The following SLC12A2 variants were observed in gnomAD, a reference collection of about 807,000 sequenced individuals.
The protein encoded by SLC12A2 is solute carrier family 12 member 2, also known as Na-K-2Cl cotransporter 1.
Under a neutral mutation model 136.3 loss-of-function variants are expected in SLC12A2, and 67 were observed. The ratio of observed to expected loss-of-function variants is 0.49; its 90% CI spans 0.40 to 0.60. The LOEUF is 0.60. Ranked by LOEUF, SLC12A2 falls within the 20% of genes least tolerant of loss-of-function variation. The pLI is 0.00. For synonymous variants in SLC12A2, 619 were observed against 562.9 expected, an observed-to-expected ratio of 1.10 and a Z score of -1.41; for missense variants, 1,322 against 1,534.7, an observed-to-expected ratio of 0.86 and a Z score of 2.32.
At chr5:128,133,680 G>A (rs1762097988) in intron 5 of SLC12A2, among the ~76,000 whole-genome samples, 1 of 151,978 alleles carries the variant, frequency 6.6e-6, no homozygotes, top group Non-Finnish European at 1.5e-5. Flanking sequence ...TTTTAAAAAT[G>A]CCATTGATAT....
rs1182123988 is a variant in SLC12A2, at chr5:128,158,036, T to A, written c.2364-17T>A. 6.3e-7 allele frequency: 1 copy of A among 1,589,498 alleles called. No homozygotes were observed. Among genetic ancestry groups the A allele is most frequent in the South Asian group, 1.2e-5 (1 of 86,456 alleles). On this transcript the variant is annotated splice_polypyrimidine_tract_variant and intron_variant, in intron 15 of 26. Transcript: ENST00000262461. Reference sequence around the variant, plus strand: ...ACAAATTTATCTAATTTTGTTTGTCTTTTCATCTTAAATTAGGCCACAGTG... The same window carrying A: ...ACAAATTTATCTAATTTTGTTTGTCATTTCATCTTAAATTAGGCCACAGTG...
chr5:128,161,660 G>T lies in SLC12A2; in HGVS notation c.2476G>T (p.Gly826Cys), dbSNP rs145906084. 7.2e-7 allele frequency: 1 copy of T among 1,380,090 alleles called. No individual in the cohort carries two copies. Among genetic ancestry groups the T allele is most frequent in the African/African-American group, 1.5e-5 (1 of 65,990 alleles). 85.5% of individuals were successfully genotyped at this position (1,380,090 alleles called of 1,614,324 possible). ...ATATTATTAATATTTTTATTCAAAG[G>T]GTCCTCGAAGACAAGCCATGAAAGA... Reference protein sequence around the residue: ...GLMICGHVHMGPRRQAMKEMS... With the variant: ...GLMICGHVHMCPRRQAMKEMS... Residue 826 changes from glycine (G) to cysteine (C), a missense_variant and splice_region_variant, in exon 17 of 27, where the codon GGT (glycine) becomes TGT (cysteine). Gly to Cys is a radical substitution (Grantham distance 159). Coordinates refer to ENST00000262461, the MANE Select transcript of SLC12A2 (RefSeq NM_001046.3).
chr5:128,186,019 A>C (rs553489945), intron 26 of SLC12A2, among the ~76,000 whole-genome samples: 1 of 152,034 alleles, frequency 6.6e-6, no homozygotes, highest in Non-Finnish European at 1.5e-5. Context: ...TGGAGTTTTG[A>C]GTCCAGCCTG....
intron 7 of SLC12A2, among the ~76,000 whole-genome samples, chr5:128,137,344 G>A (rs757050823): frequency 6.6e-6 from 1 of 151,794 alleles, no homozygotes; most frequent in Non-Finnish European, 1.5e-5. Context: ...TCTCTTTTCT[G>A]GTATACTCTT....
intron 14 of SLC12A2, among the ~76,000 whole-genome samples, chr5:128,152,034 A>C (rs926930506): frequency 6.6e-6 from 1 of 152,174 alleles, no homozygotes; most frequent in African/African-American, 2.4e-5. Context: ...CCCGTGACAC[A>C]TGAAAGACCT....
intron 10 of SLC12A2, among the ~76,000 whole-genome samples, chr5:128,147,174 T>G (rs1762555719): frequency 6.6e-6 from 1 of 151,426 alleles, no homozygotes; most frequent in African/African-American, 2.4e-5. Flanking sequence ...TGACTTGCCT[T>G]TTTTGTGGTA....
At chr5:128,130,271 G>C (rs1761966738) in intron 4 of SLC12A2, among the ~76,000 whole-genome samples, 1 of 152,026 alleles carries the variant, frequency 6.6e-6, no homozygotes, top group Non-Finnish European at 1.5e-5. Context: ...AATCAGTCAT[G>C]TGTGTAATCC....
rs561639741 is a variant in SLC12A2, at chr5:128,121,418, G to C, written c.1048+6737G>C. 7.4e-4 allele frequency among the ~76,000 whole-genome samples: 112 copies of C among 152,152 alleles called. 1 individual carries two copies. The South Asian group carries it at 0.012, about 16-fold the overall frequency. On this transcript the variant is annotated intron_variant, in intron 4 of 26. Transcript: ENST00000262461. ...GCTCACTGCAAGCTCTGCCTCCTGG[G>C]TTCACGCCATTCTCCTGCCTCAGCC...
intron 9 of SLC12A2, 112 bp from the exon 10 acceptor site, chr5:128,141,700 TGTATGCTATTATAAGGGA>T: frequency 1.7e-6 from 1 of 575,144 alleles, no homozygotes; most frequent in Non-Finnish European, 2.7e-6. Flanking sequence ...GTAAATGCAA[TGTATGCTATTATAAGGGA>T]GTAGATATGT....
intron 22 of SLC12A2, among the ~76,000 whole-genome samples, chr5:128,179,722 CT>C (rs1763642444): frequency 6.6e-6 from 1 of 152,052 alleles, no homozygotes; most frequent in Non-Finnish European, 1.5e-5. Context: ...AGCACCAAAC[CT>C]TGAGGGACTG....
Position 128,141,877 on chromosome 5 carries a change from G to A in SLC12A2, c.1669G>A (p.Val557Ile), listed in dbSNP as rs200987744. 6.8e-6 allele frequency: 11 copies of A among 1,613,714 alleles called. No individual in the cohort carries two copies. Among genetic ancestry groups the A allele is most frequent in the African/African-American group, 1.3e-5 (1 of 75,030 alleles). ...CACTGGAAACGTTAATGACACTATC[G>A]TAACAGAGCTAACAAACTGTACTTC... ...DATGNVNDTI[V>I]TELTNCTSAA... The change falls in exon 10 of 27, where the codon GTA (valine) becomes ATA (isoleucine). Residue 557 changes from valine to isoleucine, a missense_variant. Val to Ile is a conservative substitution (Grantham distance 29). Coordinates refer to ENST00000262461, the MANE Select transcript of SLC12A2 (RefSeq NM_001046.3).
intron 4 of SLC12A2, among the ~76,000 whole-genome samples, chr5:128,127,328 A>G (rs1163028444): frequency 4.0e-5 from 6 of 151,764 alleles, no homozygotes; most frequent in African/African-American, 1.5e-4. Context: ...TCACCGTATT[A>G]GCCAGGATGG....
Position 128,184,432 on chromosome 5 carries a change from T to G in SLC12A2, c.3366T>G (p.Ile1122Met). ...ATGAAGATGATAAAGAGCAAGATAT[T>G]GCAGATAAAATGAAAGAAGATGAAC... The part of the protein sequence containing the change: ...RLHEDDKEQD[I>M]ADKMKEDEPW... The change falls in exon 25 of 27, where the codon ATT becomes ATG. Residue 1122 changes from isoleucine to methionine, a missense_variant. This residue lies in a region of SLC12A2 where 172 missense variants were observed against 227.4 expected (regional missense o/e 0.76). Coordinates refer to ENST00000262461, the MANE Select transcript of SLC12A2 (RefSeq NM_001046.3). 3 of 1,606,052 alleles carry G rather than the reference T, an allele frequency of 1.9e-6. No individual in the cohort carries two copies. Among genetic ancestry groups the G allele is most frequent in the Non-Finnish European group, 2.6e-6 (3 of 1,174,490 alleles).
At chr5:128,095,260 G>A (rs1229374862) in intron 1 of SLC12A2, among the ~76,000 whole-genome samples, 1 of 152,086 alleles carries the variant, frequency 6.6e-6, no homozygotes, top group Non-Finnish European at 1.5e-5. Context: ...AGAAATGTTA[G>A]TTTCCAAAGC....
intron 5 of SLC12A2, among the ~76,000 whole-genome samples, chr5:128,133,136 CAA>C (rs1762081900): frequency 6.6e-6 from 1 of 151,396 alleles, no homozygotes; most frequent in African/African-American, 2.4e-5. Flanking sequence ...CAGATTAATT[CAA>C]GAGATGTCGA....
Position 128,091,944 on chromosome 5 carries a change from G to T in SLC12A2, c.756+7234G>T, listed in dbSNP as rs376298116. On this transcript the variant is annotated intron_variant, in intron 1 of 26. Coordinates refer to ENST00000262461, the MANE Select transcript of SLC12A2 (RefSeq NM_001046.3). ...TGTGGGATAGTTCTTTGTTGGGTAA[G>T]TGTGAATTAGTTCTTCCATCAGTTT... is the stretch of plus-strand genomic sequence containing the variant. Among the ~76,000 whole-genome samples the T allele has an allele frequency of 3.3e-4, 50 of 152,302 alleles. 1 individual carries two copies. In the East Asian group the frequency reaches 8.7e-3, roughly 26 times the overall value.
chr5:128,174,768 A>T, intron 20 of SLC12A2, 102 bp downstream of exon 20: 4 of 927,496 alleles, frequency 4.3e-6, no homozygotes, highest in Non-Finnish European at 4.6e-6. Flanking sequence ...ACCTGTTCTC[A>T]AACTTGTACT....
At chr5:128,138,457 A>C in intron 7 of SLC12A2, 140 bp from the exon 8 acceptor site, 2 of 689,140 alleles carry the variant, frequency 2.9e-6, no homozygotes, top group Non-Finnish European at 4.8e-6. Context: ...CAAATACTTG[A>C]ACTGGGAAAT....
chr5:128,143,390 C>G (rs1323926268), intron 10 of SLC12A2, among the ~76,000 whole-genome samples: 1 of 152,046 alleles, frequency 6.6e-6, no homozygotes, highest in African/African-American at 2.4e-5. Flanking sequence ...GAATTTAATT[C>G]TGAATGGATA....
Sources: allele counts gnomAD v4.1 joint callset (sites outside exome capture counted in the v4.1 genomes callset), GRCh38; gene constraint gnomAD v4.1.1; regional missense constraint gnomAD v4.1.1; transcripts MANE v1.5; gene names NCBI Gene and HGNC (gene_info 2026-07-23, HGNC 2026-07-21).